IFT57: variants seen among roughly 807,000 people sequenced by gnomAD.
IFT57 encodes the protein intraflagellar transport protein 57 homolog.
A neutral mutation model predicts 56.8 loss-of-function variants in IFT57; 59 were observed. That is an observed-to-expected ratio of 1.04 (90% confidence interval 0.84 to 1.29). The LOEUF (loss-of-function observed/expected upper bound fraction) is 1.29, where lower values mean the gene tolerates loss of function less well. IFT57 is among the 50% of genes most tolerant of loss of function. The pLI is 0.00. For missense variants in IFT57, 470 were observed against 522.1 expected, an observed-to-expected ratio of 0.90 and a Z score of 0.97; for synonymous variants, 209 against 186.1, an observed-to-expected ratio of 1.12 and a Z score of -1.00.
intron 7 of IFT57, 142 bp downstream of exon 7, chr3:108,167,651 A>G (rs1452691442): frequency 2.8e-6 from 1 of 362,356 alleles, no homozygotes; most frequent in African/African-American, 2.1e-5. Context: ...ATGTAAGGTC[A>G]GTTGAAATGT....
chr3:108,167,066 A>G, intron 7 of IFT57, 81 bp from the exon 8 acceptor site: 1 of 1,267,676 alleles, frequency 7.9e-7, no homozygotes, highest in Non-Finnish European at 1.1e-6. Context: ...TTACATCTCA[A>G]TCCATTCTAC....
At chr3:108,188,494 T>G (rs1271285230) in intron 6 of IFT57, among the ~76,000 whole-genome samples, 3 of 152,156 alleles carry the variant, frequency 2.0e-5, no homozygotes, top group Non-Finnish European at 4.4e-5. Flanking sequence ...GAATATGACT[T>G]TGGTCAGTAG....
intron 6 of IFT57, among the ~76,000 whole-genome samples, chr3:108,176,285 A>T (rs2080123685): frequency 6.6e-6 from 1 of 151,730 alleles, no homozygotes; most frequent in African/African-American, 2.4e-5. Flanking sequence ...TTCTCTAGAG[A>T]TTTTCAAGAT....
intron 5 of IFT57, among the ~76,000 whole-genome samples, chr3:108,198,921 T>C (rs1215747433): frequency 6.6e-6 from 1 of 152,206 alleles, no homozygotes; most frequent in Non-Finnish European, 1.5e-5. Context: ...CTTCATATAC[T>C]AACATTACCA....
intron 4 of IFT57, among the ~76,000 whole-genome samples, chr3:108,213,457 G>C (rs1380066413): frequency 6.6e-6 from 1 of 152,062 alleles, no homozygotes; most frequent in Non-Finnish European, 1.5e-5. Context: ...CATGTAAAAA[G>C]TTGTAGATTC....
At chr3:108,174,529 GATAA>G (rs1228736864) in intron 6 of IFT57, among the ~76,000 whole-genome samples, 4 of 151,126 alleles carry the variant, frequency 2.6e-5, no homozygotes, top group African/African-American at 9.7e-5. Context: ...GGTTTGGAGA[GATAA>G]ATAGATATTG....
intron 6 of IFT57, among the ~76,000 whole-genome samples, chr3:108,173,404 A>G (rs1220204830): frequency 6.6e-6 from 1 of 151,780 alleles, no homozygotes; most frequent in Non-Finnish European, 1.5e-5. Flanking sequence ...TGGGCTTCAT[A>G]ATTAAAATTG....
intron 1 of IFT57, among the ~76,000 whole-genome samples, chr3:108,220,672 A>G (rs2080401235): frequency 6.6e-6 from 1 of 151,936 alleles, no homozygotes; most frequent in Non-Finnish European, 1.5e-5. Context: ...GTTCCCAAAC[A>G]TTAGTGTCCA....
chr3:108,191,622 GT>G lies in IFT57; in HGVS notation c.675del (p.Lys225AsnfsTer17), dbSNP rs1238311877. 14 of 1,606,534 alleles carry G rather than the reference GT, an allele frequency of 8.7e-6. No homozygotes were observed. The highest frequency in any genetic ancestry group is 1.1e-5 in the Non-Finnish European group (13 of 1,175,424). Reference sequence around the variant, plus strand: ...GTTGTGGATTCCAAAATATCTTCTTGTTTGGCAGTCTCGTTCATATCCTAAG... The same window carrying G: ...GTTGTGGATTCCAAAATATCTTCTTGTTGGCAGTCTCGTTCATATCCTAAG... The part of the protein sequence containing the change: ...TYHLDMNETA[K>X]QEDILESTTD... On this transcript the variant is annotated frameshift_variant, in exon 6 of 11. Coordinates refer to ENST00000264538, the MANE Select transcript of IFT57 (RefSeq NM_018010.4). LOFTEE classifies it high-confidence loss of function.
chr3:108,165,822 A>T (rs751917696), intron 8 of IFT57, among the ~76,000 whole-genome samples: 26 of 152,086 alleles, frequency 1.7e-4, no homozygotes, highest in Non-Finnish European at 1.6e-4. Context: ...TCTAATTTGC[A>T]TGCTCCGCAG....
In IFT57 at chr3:108,162,271, G is replaced by T; in HGVS notation, c.*206C>A. 1 of 398,248 alleles carries T rather than the reference G, an allele frequency of 2.5e-6. No homozygotes were observed. The highest frequency in any genetic ancestry group is 4.4e-6 in the Non-Finnish European group (1 of 226,520). The allele number at this position is 398,248 out of a possible 1,614,324, so 24.7% of individuals were successfully genotyped here. ...GGTAATGATTAGTGAAAGCTTCTTA[G>T]AAAGTGAGAATTTGTAATTTCTTTA... On this transcript the variant is annotated 3_prime_UTR_variant, in exon 11 of 11. Transcript: ENST00000264538.
At chr3:108,210,865 C>T (rs953807102) in intron 4 of IFT57, among the ~76,000 whole-genome samples, 2 of 152,164 alleles carry the variant, frequency 1.3e-5, no homozygotes, top group Non-Finnish European at 2.9e-5. Flanking sequence ...CTTCAGTTTG[C>T]TCTTATGATA....
intron 6 of IFT57, among the ~76,000 whole-genome samples, chr3:108,183,520 T>C (rs896383653): frequency 2.0e-5 from 3 of 152,144 alleles, no homozygotes; most frequent in African/African-American, 7.2e-5. Context: ...AGTCACATAT[T>C]ATACCCTGCT....
At chr3:108,219,594 T>A in intron 1 of IFT57, 22 bp from the exon 2 acceptor site, 1 of 1,608,996 alleles carries the variant, frequency 6.2e-7, no homozygotes, top group Non-Finnish European at 8.5e-7. Context: ...CAAGGAGGAA[T>A]GGGGGCGGAT....
chr3:108,164,040 G>A (rs998799697), intron 9 of IFT57, among the ~76,000 whole-genome samples: 4 of 151,800 alleles, frequency 2.6e-5, no homozygotes, highest in Non-Finnish European at 4.4e-5. Context: ...TTATCTCATC[G>A]CATATACTTT....
chr3:108,213,831 A>C (rs1277548367), intron 4 of IFT57, 100 bp downstream of exon 4: 1 of 682,918 alleles, frequency 1.5e-6, no homozygotes, highest in Non-Finnish European at 2.5e-6. Flanking sequence ...AGAAACAATG[A>C]AATAAAATAT....
At chr3:108,179,585 G>A (rs188536913) in intron 6 of IFT57, among the ~76,000 whole-genome samples, 8 of 151,894 alleles carry the variant, frequency 5.3e-5, no homozygotes, top group South Asian at 4.1e-4. Flanking sequence ...TTTCTCATTC[G>A]CAGAGTTTCT....
chr3:108,213,739 A>G, intron 4 of IFT57, 192 bp downstream of exon 4: 1 of 492,462 alleles, frequency 2.0e-6, no homozygotes, highest in Non-Finnish European at 3.6e-6. Flanking sequence ...TCAGACCTCA[A>G]TCATTAGAGA....
intron 4 of IFT57, among the ~76,000 whole-genome samples, chr3:108,208,901 G>GGT (rs1314556382): frequency 6.6e-6 from 1 of 152,118 alleles, no homozygotes; most frequent in African/African-American, 2.4e-5. Flanking sequence ...TTTAAGGCAT[G>GGT]GTATTACCAT....
Sources: gnomAD v4.1 joint callset for allele counts (sites outside exome capture counted in the v4.1 genomes callset) on GRCh38, gnomAD v4.1.1 for gene constraint, MANE v1.5 for transcripts, NCBI Gene and HGNC (gene_info 2026-07-23, HGNC 2026-07-21) for gene names.